The following SCAF4 variants were observed in gnomAD, a reference collection of about 807,000 sequenced individuals.
SCAF4 encodes SR-related and CTD-associated factor 4.
SCAF4 carries 25 observed loss-of-function variants against 129.8 expected under a neutral mutation model. The ratio of observed to expected loss-of-function variants is 0.19; its 90% CI spans 0.14 to 0.27. The LOEUF (loss-of-function observed/expected upper bound fraction) is 0.27. SCAF4 is among the 10% of genes least tolerant of loss of function. The pLI, the probability that SCAF4 is intolerant of heterozygous loss-of-function variation, is 1.00. For missense variants in SCAF4, 1,246 were observed against 1,457.1 expected, an observed-to-expected ratio of 0.86 and a Z score of 2.36; for synonymous variants, 551 against 497.7, an observed-to-expected ratio of 1.11 and a Z score of -1.43.
At chr21:31,700,943 A>G (rs767723098) in intron 7 of SCAF4, 52 bp downstream of exon 7, 1 of 1,561,342 alleles carries the variant, frequency 6.4e-7, no homozygotes, top group South Asian at 1.1e-5. Flanking sequence ...AATTTCCATA[A>G]CTCAAGTTGA....
At chr21:31,678,028 T>C (rs1056524122) in intron 19 of SCAF4, among the ~76,000 whole-genome samples, 9 of 152,190 alleles carry the variant, frequency 5.9e-5, no homozygotes, top group African/African-American at 2.2e-4. Flanking sequence ...AATTTTGTCC[T>C]CAGACCTCTC....
At chr21:31,677,758 T>G (rs749092092) in intron 19 of SCAF4, among the ~76,000 whole-genome samples, 1 of 152,174 alleles carries the variant, frequency 6.6e-6, no homozygotes, top group Non-Finnish European at 1.5e-5. Context: ...GAGTACAGTA[T>G]AGATAGTGGT....
At position 31,721,725 on chromosome 21, in the gene SCAF4, C is replaced by CTG. The variant is rs1335252824; in HGVS notation, c.30+9937_30+9938insCA. ...TTATTAACATCAAGCAAGAGCAATTCTTTTTTTTTTTTTTTTTTTGAGATG... is the reference window on the plus strand; with the variant it reads ...TTATTAACATCAAGCAAGAGCAATTCTGTTTTTTTTTTTTTTTTTTTGAGATG... On this transcript the variant is annotated intron_variant, in intron 1 of 19. Transcript: ENST00000286835. 4.0e-5 allele frequency among the ~76,000 whole-genome samples: 5 copies of CTG among 125,450 alleles called. 1 individual carries two copies. The highest frequency in any genetic ancestry group is 1.5e-4 in the African/African-American group (5 of 34,054). The allele number at this position is 125,450 out of a possible 152,430, so 82.3% of individuals were successfully genotyped here. A position where few individuals can be genotyped will look rare whatever the true frequency, so the allele number is the denominator to read the frequency against.
At chr21:31,728,675 GC>G (rs1235066308) in intron 1 of SCAF4, among the ~76,000 whole-genome samples, 2 of 152,040 alleles carry the variant, frequency 1.3e-5, no homozygotes, top group African/African-American at 4.8e-5. Context: ...TGCCTGACAT[GC>G]CATTGGTCTT....
intron 1 of SCAF4, among the ~76,000 whole-genome samples, chr21:31,720,939 C>A (rs565106483): frequency 6.6e-6 from 1 of 152,288 alleles, no homozygotes; most frequent in African/African-American, 2.4e-5. Flanking sequence ...AAGTAAACAA[C>A]AAAATGGTTA....
Position 31,706,404 on chromosome 21 carries a change from T to C in SCAF4, c.31-47A>G, listed in dbSNP as rs371876181. ...AAAAAGTAAAGTTTAACTATTTGGC[T>C]AGTAAATAAGCACCTTTCCTACATA... is the stretch of plus-strand genomic sequence containing the variant. On this transcript the variant is annotated intron_variant, in intron 1 of 19. Transcript: ENST00000286835. 63 of 1,298,674 alleles carry C rather than the reference T, an allele frequency of 4.9e-5. No individual in the cohort carries two copies. In the Middle Eastern group the frequency reaches 5.9e-4, roughly 12 times the overall value. 80.4% of individuals were successfully genotyped at this position (1,298,674 alleles called of 1,614,324 possible). A position where few individuals can be genotyped will look rare whatever the true frequency, so the allele number is the denominator to read the frequency against.
chr21:31,697,416 A>T (rs887439957), intron 7 of SCAF4, among the ~76,000 whole-genome samples: 3 of 152,240 alleles, frequency 2.0e-5, no homozygotes, highest in Non-Finnish European at 4.4e-5. Flanking sequence ...AATACCTACT[A>T]ATGTGTATCA....
chr21:31,727,749 C>T (rs2051242770), intron 1 of SCAF4, among the ~76,000 whole-genome samples: 1 of 151,942 alleles, frequency 6.6e-6, no homozygotes, highest in South Asian at 2.1e-4. Flanking sequence ...TGAGATTGCG[C>T]CACTGCACTC....
At chr21:31,690,678 G>A in intron 15 of SCAF4, 119 bp downstream of exon 15, 2 of 804,514 alleles carry the variant, frequency 2.5e-6, no homozygotes, top group Non-Finnish European at 4.0e-6. Flanking sequence ...TACTGACACA[G>A]GAGGGATCCT....
intron 14 of SCAF4, 121 bp downstream of exon 14, chr21:31,691,691 AGATGC>A: frequency 2.6e-6 from 1 of 378,080 alleles, no homozygotes. Flanking sequence ...AAAAAAAAAA[AGATGC>A]ACATGAAATG....
intron 19 of SCAF4, chr21:31,684,172 A>G (rs1442599823): frequency 6.5e-6 from 1 of 153,456 alleles, no homozygotes; most frequent in Non-Finnish European, 1.5e-5. Context: ...AGATTATGAA[A>G]GCAAACAGGC....
Position 31,672,047 on chromosome 21 carries a change from C to A in SCAF4, c.2796G>T (p.Gly932=), listed in dbSNP as rs770262829. 3.1e-6 allele frequency: 5 copies of A among 1,613,296 alleles called. No individual in the cohort carries two copies. The highest frequency in any genetic ancestry group is 4.5e-5 in the East Asian group (2 of 44,878). The change falls in exon 20 of 20, where the codon GGG becomes GGT. Residue 932 remains glycine (G), a synonymous_variant. Coordinates refer to ENST00000286835, the MANE Select transcript of SCAF4 (RefSeq NM_020706.2). Reference sequence around the variant, plus strand: ...GCCTTCCGTCTCTGTCTTCAGGACCCCCTGGGCCTGGCCCTGGGCCCCCGA... The same window carrying A: ...GCCTTCCGTCTCTGTCTTCAGGACCACCTGGGCCTGGCCCTGGGCCCCCGA... ...PGLGGPGPGP[G]GPEDRDGRQQ...
intron 2 of SCAF4, among the ~76,000 whole-genome samples, chr21:31,706,027 A>G (rs1471216186): frequency 6.6e-6 from 1 of 152,188 alleles, no homozygotes; most frequent in Non-Finnish European, 1.5e-5. Context: ...CTGAGATCGC[A>G]CCACTGCATT....
chr21:31,675,297 T>C (rs2049823891), intron 19 of SCAF4, among the ~76,000 whole-genome samples: 1 of 152,198 alleles, frequency 6.6e-6, no homozygotes, highest in Non-Finnish European at 1.5e-5. Flanking sequence ...TTAGCAGGGA[T>C]AAATGATTCT....
In SCAF4 at chr21:31,694,742, A is replaced by G; in HGVS notation, c.1236+71T>C. ...ATATTCAAAAATGAAGACAGCAAGCAAATAAGGAGAAATCTGCATATAAGT... is the reference window on the plus strand; with the variant it reads ...ATATTCAAAAATGAAGACAGCAAGCGAATAAGGAGAAATCTGCATATAAGT... On this transcript the variant is annotated intron_variant, in intron 10 of 19. Coordinates refer to ENST00000286835, the MANE Select transcript of SCAF4 (RefSeq NM_020706.2). 3 of 1,445,340 alleles carry G rather than the reference A, an allele frequency of 2.1e-6. 1 individual carries two copies. Among genetic ancestry groups the G allele is most frequent in the South Asian group, 2.3e-5 (2 of 86,418 alleles). 89.5% of individuals were successfully genotyped at this position (1,445,340 alleles called of 1,614,324 possible). A position where few individuals can be genotyped will look rare whatever the true frequency, so the allele number is the denominator to read the frequency against.
chr21:31,724,943 C>A (rs2051164842), intron 1 of SCAF4, among the ~76,000 whole-genome samples: 1 of 152,154 alleles, frequency 6.6e-6, no homozygotes, highest in Non-Finnish European at 1.5e-5. Flanking sequence ...CAGTGATAAA[C>A]CCCGCTACAG....
rs2050110708 is a variant in SCAF4 at position 31,685,897 on chromosome 21, CAACT to C, written c.2044-168_2044-165del. 3.9e-5 allele frequency among the ~76,000 whole-genome samples: 6 copies of C among 152,112 alleles called. No homozygotes were observed. In the South Asian group the frequency reaches 1.3e-3, roughly 32 times the overall value. The stretch of plus-strand genomic sequence containing the variant: ...GGTGGTAGTTAACTTCTATTCATAC[CAACT>C]GATAGAAATCAAAGCTGTGGGCCGG... On this transcript the variant is annotated intron_variant, in intron 16 of 19. Coordinates refer to ENST00000286835, the MANE Select transcript of SCAF4 (RefSeq NM_020706.2).
At chr21:31,716,196 C>T (rs930566679) in intron 1 of SCAF4, among the ~76,000 whole-genome samples, 2 of 152,032 alleles carry the variant, frequency 1.3e-5, no homozygotes, top group Non-Finnish European at 2.9e-5. Flanking sequence ...CCTTTCTTTT[C>T]GAAACCTAAA....
chr21:31,703,950 C>T (rs1211903139), intron 3 of SCAF4, 24 bp from the exon 4 acceptor site: 2 of 1,468,266 alleles, frequency 1.4e-6, no homozygotes, highest in East Asian at 2.3e-5. Flanking sequence ...GATGTAAGAT[C>T]AGTACAGAAA....
Sources: allele counts gnomAD v4.1 joint callset (sites outside exome capture counted in the v4.1 genomes callset), GRCh38; gene constraint gnomAD v4.1.1; transcripts MANE v1.5; gene names NCBI Gene and HGNC (gene_info 2026-07-23, HGNC 2026-07-21).